The following NRG3 variants were observed in gnomAD, a reference collection of about 807,000 sequenced individuals.
NRG3 encodes the protein pro-neuregulin-3, membrane-bound isoform.
NRG3 carries 31 observed loss-of-function variants against 66.9 expected under a neutral mutation model. The ratio of observed to expected loss-of-function variants is 0.46; its 90% confidence interval spans 0.35 to 0.63. The LOEUF (loss-of-function observed/expected upper bound fraction) is 0.63. NRG3 is among the 20% of genes least tolerant of loss of function. The probability of loss-of-function intolerance (pLI) is 0.00; values close to 1 mark genes in which losing one functional copy is unlikely to be tolerated. For missense variants in NRG3, 910 were observed against 878.9 expected (o/e 1.04, Z -0.45); for synonymous variants, 393 against 359.4 (o/e 1.09, Z -1.06).
chr10:82,827,150 T>G, intron 3 of NRG3: 1 of 328,346 alleles, frequency 3.0e-6, no homozygotes, highest in Non-Finnish European at 5.8e-6. Flanking sequence ...TATACTCAAA[T>G]GAACAAGTTC....
intron 1 of NRG3, among the ~76,000 whole-genome samples, chr10:82,094,890 G>A (rs577706342): frequency 6.6e-6 from 1 of 152,182 alleles, no homozygotes; most frequent in Non-Finnish European, 1.5e-5. Context: ...ACTCAGAAGG[G>A]TGAGAGGGAG....
intron 1 of NRG3, among the ~76,000 whole-genome samples, chr10:82,333,911 C>T (rs974327858): frequency 2.0e-5 from 3 of 151,814 alleles, no homozygotes; most frequent in South Asian, 2.1e-4. Flanking sequence ...GGATGGGAGC[C>T]GGGGGCGGTG....
intron 1 of NRG3, among the ~76,000 whole-genome samples, chr10:82,299,789 G>A (rs1394963551): frequency 1.3e-5 from 2 of 152,042 alleles, no homozygotes; most frequent in African/African-American, 4.8e-5. Flanking sequence ...AACCACCAAC[G>A]AGAAGCACTC....
At chr10:82,171,448 G>T (rs1328671888) in intron 1 of NRG3, among the ~76,000 whole-genome samples, 1 of 152,076 alleles carries the variant, frequency 6.6e-6, no homozygotes, top group Non-Finnish European at 1.5e-5. Context: ...CTCTCTGATA[G>T]ATGCTGTATA....
At chr10:82,907,966 G>T (rs1443096256) in intron 4 of NRG3, among the ~76,000 whole-genome samples, 1 of 152,140 alleles carries the variant, frequency 6.6e-6, no homozygotes, top group Non-Finnish European at 1.5e-5. Context: ...ATATTTACCC[G>T]TGGGATAAAC....
chr10:81,961,821 T>C (rs975158654), intron 1 of NRG3, among the ~76,000 whole-genome samples: 1 of 152,252 alleles, frequency 6.6e-6, no homozygotes, highest in African/African-American at 2.4e-5. Flanking sequence ...TTATTCTCTA[T>C]GAACTTGTCC....
At chr10:82,545,448 G>T (rs2043831579) in intron 2 of NRG3, among the ~76,000 whole-genome samples, 1 of 146,176 alleles carries the variant, frequency 6.8e-6, no homozygotes, top group African/African-American at 2.6e-5. Flanking sequence ...GCGCGATCTC[G>T]GCTCACTGAA....
chr10:82,873,229 A>G (rs1362212758), intron 4 of NRG3, among the ~76,000 whole-genome samples: 1 of 152,200 alleles, frequency 6.6e-6, no homozygotes, highest in Non-Finnish European at 1.5e-5. Context: ...ATTAGAGCAG[A>G]AATTTGGAAA....
chr10:82,184,447 G>A (rs1014977846), intron 1 of NRG3, among the ~76,000 whole-genome samples: 9 of 152,138 alleles, frequency 5.9e-5, no homozygotes, highest in African/African-American at 2.2e-4. Flanking sequence ...GGGAAACACT[G>A]GCAATATCTG....
At chr10:82,431,833 T>C (rs1005307151) in intron 2 of NRG3, among the ~76,000 whole-genome samples, 2 of 152,182 alleles carry the variant, frequency 1.3e-5, no homozygotes, top group African/African-American at 2.4e-5. Context: ...CTTAAAAAAA[T>C]GGACAATACA....
intron 2 of NRG3, among the ~76,000 whole-genome samples, chr10:82,728,018 C>G (rs1360363750): frequency 6.6e-6 from 1 of 152,144 alleles, no homozygotes; most frequent in East Asian, 1.9e-4. Flanking sequence ...CAATTTCTCC[C>G]ATTTGAAACA....
chr10:82,166,749 A>G, intron 1 of NRG3: 1 of 669,738 alleles, frequency 1.5e-6, no homozygotes, highest in Non-Finnish European at 2.7e-6. Flanking sequence ...ATCTGGTATT[A>G]TTTTCCTTCT....
At chr10:81,895,396 C>T (rs1398261899) in intron 1 of NRG3, among the ~76,000 whole-genome samples, 2 of 152,062 alleles carry the variant, frequency 1.3e-5, no homozygotes, top group East Asian at 3.9e-4. Context: ...ATTATTGATC[C>T]CAATACTCTC....
At chr10:82,037,553 CG>C (rs1337144199) in intron 1 of NRG3, among the ~76,000 whole-genome samples, 1 of 152,098 alleles carries the variant, frequency 6.6e-6, no homozygotes, top group Non-Finnish European at 1.5e-5. Context: ...TGCTTTCAAA[CG>C]GTTTGAAAAA....
At chr10:82,051,139 A>G (rs1032419752) in intron 1 of NRG3, among the ~76,000 whole-genome samples, 1 of 152,110 alleles carries the variant, frequency 6.6e-6, no homozygotes, top group African/African-American at 2.4e-5. Flanking sequence ...AACTTTTACT[A>G]CCAGCAAACT....
At chr10:82,356,951 G>C (rs769776627) in intron 1 of NRG3, among the ~76,000 whole-genome samples, 1 of 152,122 alleles carries the variant, frequency 6.6e-6, no homozygotes, top group African/African-American at 2.4e-5. Flanking sequence ...TTCTCATTAA[G>C]CCTCCATGCA....
Position 82,676,829 on chromosome 10 carries a change from T to G in NRG3, c.954-61748T>G, listed in dbSNP as rs142298667. Among the ~76,000 whole-genome samples the G allele has an allele frequency of 2.8e-3, 423 of 152,068 alleles. 6 individuals are homozygous for G. Among genetic ancestry groups the G allele is most frequent in the African/African-American group, 9.7e-3 (403 of 41,452 alleles). ...AGGACTCTGAATTTTGATTTTTTTC[T>G]TTGAACGTTTTTTTTTCTATTGTAG... On this transcript the variant is annotated intron_variant, in intron 2 of 8. Transcript: ENST00000372141.
intron 3 of NRG3, among the ~76,000 whole-genome samples, chr10:82,789,275 A>C (rs558834857): frequency 6.6e-6 from 1 of 152,162 alleles, no homozygotes; most frequent in East Asian, 1.9e-4. Context: ...ATGTTTGATG[A>C]CCATTTTAAA....
At chr10:82,249,938 GAGGCCCTCTA>G (rs1235083958) in intron 1 of NRG3, among the ~76,000 whole-genome samples, 1 of 152,196 alleles carries the variant, frequency 6.6e-6, no homozygotes, top group Non-Finnish European at 1.5e-5. Flanking sequence ...AGAAATGAAT[GAGGCCCTCTA>G]AGCCCAATGT....
Sources: gnomAD v4.1 joint callset for allele counts (sites outside exome capture counted in the v4.1 genomes callset) on GRCh38, gnomAD v4.1.1 for gene constraint, MANE v1.5 for transcripts, NCBI Gene and HGNC (gene_info 2026-07-23, HGNC 2026-07-21) for gene names.